Variants in TBC1D12 observed in about 807,000 individuals in gnomAD.
The protein encoded by TBC1D12 is TBC1 domain family member 12.
A neutral mutation model predicts 86.7 loss-of-function variants in TBC1D12; 56 were observed. The ratio of observed to expected loss-of-function variants is 0.65; its 90% CI spans 0.52 to 0.81. The LOEUF (loss-of-function observed/expected upper bound fraction) is 0.81, where lower values mean the gene tolerates loss of function less well. Among genes scored for constraint, TBC1D12 ranks in the 30% least tolerant of loss-of-function variants. The probability of loss-of-function intolerance (pLI) is 0.00; values close to 1 mark genes in which losing one functional copy is unlikely to be tolerated. For synonymous variants in TBC1D12, 421 were observed against 411.7 expected (o/e 1.02, Z -0.27); for missense variants, 1,023 against 1,038.8 (o/e 0.98, Z 0.21).
chr10:94,432,323 T>C (rs12244474), intron 1 of TBC1D12, among the ~76,000 whole-genome samples: 2 of 152,152 alleles, frequency 1.3e-5, no homozygotes, highest in African/African-American at 4.8e-5. Context: ...CACTGGGTTT[T>C]CCCCCTTAAG....
At chr10:94,406,226 T>C (rs1436912711) in intron 1 of TBC1D12, among the ~76,000 whole-genome samples, 2 of 152,242 alleles carry the variant, frequency 1.3e-5, no homozygotes, top group Non-Finnish European at 2.9e-5. Context: ...TTGTAAATTT[T>C]TTTTACTTAT....
At chr10:94,445,254 G>T (rs539111662) in intron 2 of TBC1D12, among the ~76,000 whole-genome samples, 24 of 151,968 alleles carry the variant, frequency 1.6e-4, no homozygotes, top group Admixed American at 4.6e-4. Flanking sequence ...AGCTACTTGG[G>T]AGGCTGAGGC....
At chr10:94,527,013 TG>T (rs1224098295) in intron 11 of TBC1D12, among the ~76,000 whole-genome samples, 2 of 152,150 alleles carry the variant, frequency 1.3e-5, no homozygotes, top group African/African-American at 4.8e-5. Context: ...ATATATCTGT[TG>T]GTCATTTGTG....
rs779747872 is a variant in TBC1D12 at position 94,510,134 on chromosome 10, G to A, written c.1644G>A (p.Lys548=). The A allele has an allele frequency of 1.2e-5, 19 of 1,609,802 alleles. No homozygotes were observed. In the East Asian group the frequency reaches 4.0e-4, roughly 34 times the overall value. ...GAGAGGCCAGTCTGGAATTAATTAAGTTGGACATATCCCGTACATTTCCAT... is the reference window on the plus strand; with the variant it reads ...GAGAGGCCAGTCTGGAATTAATTAAATTGGACATATCCCGTACATTTCCAT... ...ADREASLELI[K]LDISRTFPSL... The change falls in exon 8 of 13, where the codon AAG becomes AAA. Residue 548 remains lysine, a synonymous_variant. Coordinates refer to ENST00000225235, the MANE Select transcript of TBC1D12 (RefSeq NM_015188.2).
At chr10:94,483,428 T>C (rs983901753) in intron 3 of TBC1D12, among the ~76,000 whole-genome samples, 8 of 152,230 alleles carry the variant, frequency 5.3e-5, no homozygotes, top group Non-Finnish European at 4.4e-5. Context: ...GCATTTGATA[T>C]TGCCTGTCTG....
chr10:94,455,840 CCCA>C (rs1329999209), intron 2 of TBC1D12, among the ~76,000 whole-genome samples: 3 of 152,084 alleles, frequency 2.0e-5, no homozygotes, highest in African/African-American at 7.2e-5. Context: ...CGCCTGTAGT[CCCA>C]ACTCCTTGGG....
chr10:94,440,994 T>C (rs1221765684), intron 1 of TBC1D12, among the ~76,000 whole-genome samples: 2 of 152,002 alleles, frequency 1.3e-5, no homozygotes, highest in African/African-American at 4.8e-5. Flanking sequence ...GAATTACAGG[T>C]GCCCACCACC....
At chr10:94,413,470 C>T (rs974465515) in intron 1 of TBC1D12, among the ~76,000 whole-genome samples, 3 of 152,134 alleles carry the variant, frequency 2.0e-5, no homozygotes, top group African/African-American at 7.2e-5. Flanking sequence ...CTTTTCCGTG[C>T]CTTTAAGAAG....
At chr10:94,497,821 CTTT>C (rs796259533) in intron 5 of TBC1D12, among the ~76,000 whole-genome samples, 2 of 100,170 alleles carry the variant, frequency 2.0e-5, no homozygotes, top group African/African-American at 7.5e-5. Context: ...ACTGTGTTTT[CTTT>C]TTTTTTTTTT....
Position 94,516,075 on chromosome 10 carries a change from G to A in TBC1D12, c.1761+4421G>A, listed in dbSNP as rs576738175. On this transcript the variant is annotated intron_variant, in intron 9 of 12. Transcript: ENST00000225235. ...TAATATTTTCAGACCACTGTTGACCGTAGGAAACTGAAACTTCAGAAAGCA... is the reference window on the plus strand; with the variant it reads ...TAATATTTTCAGACCACTGTTGACCATAGGAAACTGAAACTTCAGAAAGCA... 2.9e-3 allele frequency among the ~76,000 whole-genome samples: 434 copies of A among 149,864 alleles called. 5 individuals are homozygous for A. The highest frequency in any genetic ancestry group is 5.3e-3 in the Non-Finnish European group (359 of 67,176).
chr10:94,515,129 G>C (rs1260710433), intron 9 of TBC1D12, among the ~76,000 whole-genome samples: 3 of 150,766 alleles, frequency 2.0e-5, no homozygotes, highest in Non-Finnish European at 3.0e-5. Flanking sequence ...GGATGGTCTC[G>C]ATCTCCTGAC....
intron 11 of TBC1D12, among the ~76,000 whole-genome samples, chr10:94,526,527 C>T (rs138898029): frequency 4.1e-4 from 63 of 151,984 alleles, no homozygotes; most frequent in African/African-American, 1.5e-3. Context: ...AACATAATGT[C>T]CTCTGGTTCT....
At chr10:94,434,272 G>C (rs996644243) in intron 1 of TBC1D12, among the ~76,000 whole-genome samples, 1 of 152,088 alleles carries the variant, frequency 6.6e-6, no homozygotes, top group East Asian at 1.9e-4. Flanking sequence ...TTGGGAGGCC[G>C]AGGCAGGTGG....
chr10:94,416,700 A>C (rs1385106162), intron 1 of TBC1D12, among the ~76,000 whole-genome samples: 1 of 152,146 alleles, frequency 6.6e-6, no homozygotes, highest in African/African-American at 2.4e-5. Flanking sequence ...ATTACCTGAT[A>C]AGTGTTATAA....
intron 3 of TBC1D12, among the ~76,000 whole-genome samples, chr10:94,488,415 C>T (rs1423450377): frequency 1.0e-5 from 1 of 98,442 alleles, no homozygotes; most frequent in African/African-American, 4.2e-5. Flanking sequence ...TTTTGAGATG[C>T]AGTCTTGCAC....
rs112048725 is a variant in TBC1D12, at chr10:94,490,617, T to C, written c.1212-2748T>C. 4.7e-3 allele frequency among the ~76,000 whole-genome samples: 717 copies of C among 152,330 alleles called. 6 individuals are homozygous for C. Among genetic ancestry groups the C allele is most frequent in the African/African-American group, 0.017 (687 of 41,568 alleles). On this transcript the variant is annotated intron_variant, in intron 3 of 12. Coordinates refer to ENST00000225235, the MANE Select transcript of TBC1D12 (RefSeq NM_015188.2). ...AGACATTGTGGTTTACATAGGTGGA[T>C]GCTGGACTTTTTTGTGTGTTCTTTT...
intron 1 of TBC1D12, among the ~76,000 whole-genome samples, chr10:94,403,861 T>C (rs953463891): frequency 2.0e-5 from 3 of 152,216 alleles, no homozygotes; most frequent in African/African-American, 7.2e-5. Context: ...CATTCATACC[T>C]GGCTTCTGAG....
At chr10:94,445,083 G>T (rs926055428) in intron 2 of TBC1D12, among the ~76,000 whole-genome samples, 133 of 150,102 alleles carry the variant, frequency 8.9e-4, no homozygotes, top group African/African-American at 3.0e-3. Flanking sequence ...TGAGTGGGCC[G>T]GGAGCGGTGG....
rs889543513 is a variant in TBC1D12, at chr10:94,402,997, G to A, written c.384G>A (p.Pro128=). 6.3e-7 allele frequency: 1 copy of A among 1,576,016 alleles called. No homozygotes were observed. The highest frequency in any genetic ancestry group is 2.5e-5 in the East Asian group (1 of 40,126). The change falls in exon 1 of 13, where the codon CCG becomes CCA. Residue 128 remains proline (P), a synonymous_variant. Coordinates refer to ENST00000225235, the MANE Select transcript of TBC1D12 (RefSeq NM_015188.2). ...RGAEVADGRA[P]RHEGMTNGDS... ...CGGAGGTGGCTGATGGCCGCGCGCC[G>A]CGGCACGAAGGCATGACCAACGGCG...
Sources: gnomAD v4.1 joint callset for allele counts (sites outside exome capture counted in the v4.1 genomes callset) on GRCh38, gnomAD v4.1.1 for gene constraint, MANE v1.5 for transcripts, NCBI Gene and HGNC (gene_info 2026-07-23, HGNC 2026-07-21) for gene names.